Variants in CSNK1G1 observed in about 807,000 individuals in gnomAD.
CSNK1G1 encodes the protein casein kinase I isoform gamma-1.
In CSNK1G1, 22 loss-of-function variants were observed where a neutral mutation model predicts 59.6. The ratio of observed to expected loss-of-function variants is 0.37; its 90% CI spans 0.26 to 0.53. The LOEUF is 0.53. CSNK1G1 is among the 20% of genes least tolerant of loss of function. The pLI is 0.89. For synonymous variants in CSNK1G1, 179 were observed against 177.1 expected (o/e 1.01, Z -0.08); for missense variants, 384 against 519.5 (o/e 0.74, Z 2.54).
At chr15:64,239,476 A>G (rs1440898460) in intron 4 of CSNK1G1, among the ~76,000 whole-genome samples, 3 of 152,110 alleles carry the variant, frequency 2.0e-5, no homozygotes, top group Non-Finnish European at 4.4e-5. Context: ...CCTGGGCTCA[A>G]GCAATCCTCC....
chr15:64,261,754 C>G (rs2140333696), intron 2 of CSNK1G1, among the ~76,000 whole-genome samples: 1 of 152,036 alleles, frequency 6.6e-6, no homozygotes, highest in East Asian at 1.9e-4. Flanking sequence ...ACCAGTCTGA[C>G]CAACATGGTG....
intron 1 of CSNK1G1, among the ~76,000 whole-genome samples, chr15:64,318,298 T>C (rs925312120): frequency 5.5e-4 from 83 of 152,028 alleles, no homozygotes; most frequent in African/African-American, 1.9e-3. Context: ...CTAACAACAG[T>C]GTATGCTCAA....
intron 3 of CSNK1G1, 117 bp from the exon 4 acceptor site, chr15:64,251,698 A>G (rs1225122017): frequency 2.9e-6 from 2 of 679,240 alleles, no homozygotes; most frequent in Non-Finnish European, 5.1e-6. Flanking sequence ...TAATATCCAT[A>G]TATAAGAGCC....
At chr15:64,227,358 T>C (rs1218109636) in intron 4 of CSNK1G1, among the ~76,000 whole-genome samples, 3 of 152,234 alleles carry the variant, frequency 2.0e-5, no homozygotes, top group Admixed American at 6.5e-5. Flanking sequence ...GTATTTTAAA[T>C]CTTCCATGAT....
rs2081800372 is a variant in CSNK1G1 at position 64,180,585 on chromosome 15, A to G, written c.1108-131T>C. 7.2e-6 allele frequency: 5 copies of G among 696,106 alleles called. No individual in the cohort carries two copies. In the South Asian group the frequency reaches 8.1e-5, roughly 11 times the overall value. The allele number at this position is 696,106 out of a possible 1,614,324, so 43.1% of individuals were successfully genotyped here. On this transcript the variant is annotated intron_variant, in intron 10 of 11. Coordinates refer to ENST00000303052, the MANE Select transcript of CSNK1G1 (RefSeq NM_022048.5). ...CCTGGGTTAAGGGATCAATTTAGGG[A>G]AGGTTCCCAGGCCCATATCATGCGA...
intron 10 of CSNK1G1, among the ~76,000 whole-genome samples, chr15:64,201,089 T>C (rs1255372762): frequency 6.6e-6 from 1 of 151,988 alleles, no homozygotes; most frequent in Non-Finnish European, 1.5e-5. Flanking sequence ...CTGGCCAACA[T>C]GGCGAAACCT....
At chr15:64,318,749 T>A (rs1326501995) in intron 1 of CSNK1G1, among the ~76,000 whole-genome samples, 1 of 151,992 alleles carries the variant, frequency 6.6e-6, no homozygotes, top group Admixed American at 6.6e-5. Context: ...TAGCTGGGAT[T>A]ACAGGCACAT....
intron 10 of CSNK1G1, among the ~76,000 whole-genome samples, chr15:64,192,167 A>T (rs986615727): frequency 6.6e-6 from 1 of 152,240 alleles, no homozygotes; most frequent in African/African-American, 2.4e-5. Context: ...TCATTCTTAA[A>T]GATCACTCAT....
At chr15:64,217,815 CAAA>C (rs756842772) in intron 4 of CSNK1G1, among the ~76,000 whole-genome samples, 4 of 85,804 alleles carry the variant, frequency 4.7e-5, no homozygotes, top group Non-Finnish European at 5.0e-5. Flanking sequence ...GACTCCATCT[CAAA>C]AAAAAAAAAA....
chr15:64,277,885 ATT>A (rs1285776310), intron 2 of CSNK1G1, among the ~76,000 whole-genome samples: 2 of 139,834 alleles, frequency 1.4e-5, no homozygotes, highest in Non-Finnish European at 3.0e-5. Context: ...ATATTGATAT[ATT>A]TAATATATTG....
At chr15:64,215,883 T>C (rs1189541492) in intron 5 of CSNK1G1, among the ~76,000 whole-genome samples, 1 of 152,202 alleles carries the variant, frequency 6.6e-6, no homozygotes, top group Non-Finnish European at 1.5e-5. Flanking sequence ...CTTTTCTTGG[T>C]TGCAACAGTG....
intron 6 of CSNK1G1, among the ~76,000 whole-genome samples, chr15:64,212,977 G>C (rs2082267567): frequency 6.6e-6 from 1 of 152,224 alleles, no homozygotes; most frequent in Non-Finnish European, 1.5e-5. Flanking sequence ...CTGCACTCCA[G>C]CCTGGGTGAT....
intron 1 of CSNK1G1, among the ~76,000 whole-genome samples, chr15:64,341,971 A>G (rs1897703154): frequency 6.6e-6 from 1 of 152,170 alleles, no homozygotes; most frequent in South Asian, 2.1e-4. Flanking sequence ...CTATACAAAA[A>G]TTTCCATCGG....
intron 2 of CSNK1G1, among the ~76,000 whole-genome samples, chr15:64,297,259 T>C (rs747290238): frequency 6.6e-6 from 1 of 151,830 alleles, no homozygotes; most frequent in African/African-American, 2.4e-5. Context: ...ACGTGCTATT[T>C]TAAATGAGAA....
Position 64,210,328 on chromosome 15 carries a change from A to C in CSNK1G1, c.680-2734T>G, listed in dbSNP as rs1308149974. Among the ~76,000 whole-genome samples, 11 of 152,176 alleles carry C rather than the reference A, an allele frequency of 7.2e-5. No homozygotes were observed. The highest frequency in any genetic ancestry group is 2.9e-5 in the Non-Finnish European group (2 of 68,024). On this transcript the variant is annotated intron_variant, in intron 6 of 11. Transcript: ENST00000303052. This position sits in a 1 kb window ranked among gnomAD's most constrained non-coding sequence, Gnocchi z 4.2. ...TTTCCAGCTCTAAAATTCTAAAATAATCTGATAACTTAAGCCTTTAGGGCC... is the reference window on the plus strand; with the variant it reads ...TTTCCAGCTCTAAAATTCTAAAATACTCTGATAACTTAAGCCTTTAGGGCC...
At chr15:64,184,828 A>G (rs985168854) in intron 10 of CSNK1G1, among the ~76,000 whole-genome samples, 9 of 152,222 alleles carry the variant, frequency 5.9e-5, no homozygotes, top group Admixed American at 5.9e-4. Flanking sequence ...AAGATGAAGG[A>G]CTGTTTTGAC....
At chr15:64,343,769 G>T (rs1897802710) in intron 1 of CSNK1G1, among the ~76,000 whole-genome samples, 1 of 150,686 alleles carries the variant, frequency 6.6e-6, no homozygotes, top group African/African-American at 2.4e-5. Flanking sequence ...TAATATAGAA[G>T]CTGAAGATAT....
chr15:64,332,756 A>G (rs1016270297), intron 1 of CSNK1G1, among the ~76,000 whole-genome samples: 2 of 151,952 alleles, frequency 1.3e-5, no homozygotes, highest in African/African-American at 4.8e-5. Flanking sequence ...AAAGTAGTTG[A>G]AAAATAATTT....
chr15:64,324,080 A>T (rs1300362599), intron 1 of CSNK1G1, among the ~76,000 whole-genome samples: 1 of 152,242 alleles, frequency 6.6e-6, no homozygotes, highest in Non-Finnish European at 1.5e-5. Flanking sequence ...ACTAGAAAGC[A>T]GTAGAGGCTT....
Sources: allele counts gnomAD v4.1 joint callset (sites outside exome capture counted in the v4.1 genomes callset), GRCh38; gene constraint gnomAD v4.1.1; non-coding constraint Gnocchi (gnomAD v3.1); transcripts MANE v1.5; gene names NCBI Gene and HGNC (gene_info 2026-07-23, HGNC 2026-07-21).